Variants in GLB1L3 observed in about 807,000 individuals in gnomAD.
GLB1L3 encodes the protein beta-galactosidase-1-like protein 3.
Under a neutral mutation model 89.5 loss-of-function variants are expected in GLB1L3, and 89 were observed. That is an observed-to-expected ratio of 0.99 (90% CI 0.84 to 1.19). The LOEUF is 1.19. Ranked by LOEUF, GLB1L3 falls within the 50% of genes most tolerant of loss-of-function variation. The pLI is 0.00. For missense variants in GLB1L3, 812 were observed against 813.3 expected (o/e 1.00, Z 0.02); for synonymous variants, 314 against 312.3 (o/e 1.01, Z -0.06).
intron 14 of GLB1L3, 134 bp downstream of exon 14, chr11:134,312,623 C>A: frequency 8.4e-7 from 1 of 1,193,136 alleles, no homozygotes; most frequent in Non-Finnish European, 1.2e-6. Context: ...ACTAAAAAGT[C>A]AGGCCAAATA....
intron 17 of GLB1L3, 54 bp from the exon 18 acceptor site, chr11:134,314,276 G>A (rs192084467): frequency 4.0e-4 from 517 of 1,292,332 alleles, no homozygotes; most frequent in Middle Eastern, 9.2e-4. Context: ...TGGGTACTGG[G>A]AACTGGGTTG....
Position 134,281,461 on chromosome 11 carries a change from G to A in GLB1L3, c.431+16G>A, listed in dbSNP as rs774020089. 12 of 1,578,066 alleles carry A rather than the reference G, an allele frequency of 7.6e-6. No homozygotes were observed. The Admixed American group carries it at 1.8e-4, about 24-fold the overall frequency. Reference sequence around the variant, plus strand: ...TGGACCTGGAGTATGTGGTGTTGCTGCTTCTGTGCCCTGGTCAGGGGCAGG... The same window carrying A: ...TGGACCTGGAGTATGTGGTGTTGCTACTTCTGTGCCCTGGTCAGGGGCAGG... On this transcript the variant is annotated intron_variant, in intron 4 of 19. Transcript: ENST00000431683.
chr11:134,295,278 A>T (rs768933233), intron 9 of GLB1L3, among the ~76,000 whole-genome samples: 7 of 152,198 alleles, frequency 4.6e-5, no homozygotes, highest in Non-Finnish European at 8.8e-5. Context: ...CTTGCAGTTC[A>T]ATTTCTCTAA....
At position 134,318,758 on chromosome 11, in the gene GLB1L3, C is replaced by G. The variant is rs1195903893; in HGVS notation, c.1896+11C>G. The G allele has an allele frequency of 1.3e-6, 2 of 1,570,592 alleles. No individual in the cohort carries two copies. The highest frequency in any genetic ancestry group is 1.3e-5 in the African/African-American group (1 of 74,108). On this transcript the variant is annotated intron_variant, in intron 19 of 19. Transcript: ENST00000431683. ...CCAGAAGACAATGAGGTATGTCACT[C>G]CAGTCTCTGCCTTGAGATCTCATAA...
rs1942237928 is a variant in GLB1L3, at chr11:134,307,078, T to G, written c.877-46T>G. 3 of 1,455,706 alleles carry G rather than the reference T, an allele frequency of 2.1e-6. No individual in the cohort carries two copies. In the Admixed American group the frequency reaches 5.5e-5, roughly 26 times the overall value. 90.2% of individuals were successfully genotyped at this position (1,455,706 alleles called of 1,614,324 possible). On this transcript the variant is annotated intron_variant, in intron 9 of 19. Coordinates refer to ENST00000431683, the MANE Select transcript of GLB1L3 (RefSeq NM_001080407.3). The stretch of plus-strand genomic sequence containing the variant: ...TGCATTCAGGTTTTCTGATTTTTCT[T>G]TTTTGTTTTTTGCCAGACTTAGTAT...
intron 10 of GLB1L3, among the ~76,000 whole-genome samples, chr11:134,308,500 T>TACC (rs146020769): frequency 6.5e-5 from 1 of 15,452 alleles, no homozygotes; most frequent in Admixed American, 5.7e-4. Context: ...CACCACCAAA[T>TACC]ACCACCACCA....
intron 9 of GLB1L3, among the ~76,000 whole-genome samples, chr11:134,298,329 T>C (rs1206991233): frequency 1.3e-5 from 2 of 152,144 alleles, no homozygotes; most frequent in Admixed American, 1.3e-4. Context: ...GTCAGCATTG[T>C]CCTAATTCCA....
intron 7 of GLB1L3, among the ~76,000 whole-genome samples, chr11:134,290,824 C>T (rs955766825): frequency 6.6e-6 from 1 of 152,112 alleles, no homozygotes; most frequent in African/African-American, 2.4e-5. Flanking sequence ...CAGGACCCCA[C>T]AGCTGCAGCC....
intron 10 of GLB1L3, among the ~76,000 whole-genome samples, chr11:134,308,508 C>T (rs1384522346): frequency 1.6e-4 from 15 of 91,814 alleles, no homozygotes; most frequent in Non-Finnish European, 3.4e-4. Flanking sequence ...AATACCACCA[C>T]CACCACCACC....
At chr11:134,322,642 T>C (rs73604932), downstream of GLB1L3, among the ~76,000 whole-genome samples, 1,945 of 152,332 alleles carry the variant, frequency 0.013, 47 homozygotes, top group African/African-American at 0.043. Context: ...TTGCCTATTC[T>C]GAACATTTTA....
chr11:134,278,255 G>C (rs1940487572), intron 3 of GLB1L3, among the ~76,000 whole-genome samples: 1 of 151,888 alleles, frequency 6.6e-6, no homozygotes, highest in Non-Finnish European at 1.5e-5. Flanking sequence ...TGTACTTACA[G>C]ATACATGCAT....
chr11:134,308,217 T>TCACCACCATCAC lies in GLB1L3; in HGVS notation c.961+1014_961+1015insCCATCACCACCA, dbSNP rs1565412423. 1.9e-4 allele frequency among the ~76,000 whole-genome samples: 6 copies of TCACCACCATCAC among 31,534 alleles called. 1 individual carries two copies. Among genetic ancestry groups the TCACCACCATCAC allele is most frequent in the African/African-American group, 3.4e-4 (2 of 5,944 alleles). 20.7% of individuals were successfully genotyped at this position (31,534 alleles called of 152,430 possible). A position where few individuals can be genotyped will look rare whatever the true frequency, so the allele number is the denominator to read the frequency against. ...ACCATCACCACTACCACCACCACCA[T>TCACCACCATCAC]CACCATCACCACCACCACCATCACC... On this transcript the variant is annotated intron_variant, in intron 10 of 19. Coordinates refer to ENST00000431683, the MANE Select transcript of GLB1L3 (RefSeq NM_001080407.3).
intron 11 of GLB1L3, 92 bp downstream of exon 11, chr11:134,309,855 T>A: frequency 7.1e-7 from 1 of 1,405,350 alleles, no homozygotes; most frequent in South Asian, 1.2e-5. Flanking sequence ...CACCACTGGG[T>A]TCTTGACCTA....
rs543085530 is a variant in GLB1L3, at chr11:134,297,587, G to A, written c.876+4378G>A. 8.5e-5 allele frequency among the ~76,000 whole-genome samples: 13 copies of A among 152,128 alleles called. No homozygotes were observed. The South Asian group carries it at 1.7e-3, about 19-fold the overall frequency. ...TTAGAATTTAAAATATAGGCCGGGC[G>A]CGGTGGCTCACGCCTGTAATCCCAG... On this transcript the variant is annotated intron_variant, in intron 9 of 19. Coordinates refer to ENST00000431683, the MANE Select transcript of GLB1L3 (RefSeq NM_001080407.3).
chr11:134,283,736 G>A lies in GLB1L3; in HGVS notation c.528-1G>A. The A allele has an allele frequency of 3.1e-6, 5 of 1,601,174 alleles. No individual in the cohort carries two copies. Among genetic ancestry groups the A allele is most frequent in the South Asian group, 1.1e-5 (1 of 89,834 alleles). ...CCTGAGCCCGCCCCTCTTGCCCCCA[G>A]CTGGCTCCTGCAAGACCCCCGGTTA... On this transcript the variant is annotated splice_acceptor_variant, in intron 5 of 19. Coordinates refer to ENST00000431683, the MANE Select transcript of GLB1L3 (RefSeq NM_001080407.3). LOFTEE classifies it high-confidence loss of function.
chr11:134,288,751 T>G (rs1273631533), intron 6 of GLB1L3, 47 bp from the exon 7 acceptor site: 4 of 1,426,274 alleles, frequency 2.8e-6, no homozygotes, highest in Non-Finnish European at 3.9e-6. Context: ...TCCAGGCTTT[T>G]GCCCCAAATA....
intron 5 of GLB1L3, 107 bp downstream of exon 5, chr11:134,282,227 G>A (rs1312877681): frequency 7.5e-6 from 10 of 1,330,152 alleles, no homozygotes; most frequent in Admixed American, 2.6e-5. Context: ...TCACGGAGCC[G>A]ATGGGAGGTG....
At chr11:134,283,676 C>A in intron 5 of GLB1L3, 61 bp from the exon 6 acceptor site, 1 of 928,572 alleles carries the variant, frequency 1.1e-6, no homozygotes, top group Non-Finnish European at 1.7e-6. Flanking sequence ...AGCTCTGAGC[C>A]CACTCCTGCT....
chr11:134,300,481 C>T (rs539410419), intron 9 of GLB1L3, among the ~76,000 whole-genome samples: 3,608 of 152,014 alleles, frequency 0.024, 67 homozygotes, highest in Non-Finnish European at 0.039. Flanking sequence ...TACAGGCGCC[C>T]TCCACCACGC....
Sources: allele counts gnomAD v4.1 joint callset (sites outside exome capture counted in the v4.1 genomes callset), GRCh38; gene constraint gnomAD v4.1.1; transcripts MANE v1.5; gene names NCBI Gene and HGNC (gene_info 2026-07-23, HGNC 2026-07-21).